The following FABP6 variants were observed in gnomAD, a reference collection of about 807,000 sequenced individuals.
The protein encoded by FABP6 is fatty acid binding protein 6.
A neutral mutation model predicts 14.9 loss-of-function variants in FABP6; 13 were observed. The ratio of observed to expected loss-of-function variants is 0.87; its 90% CI spans 0.57 to 1.39. The LOEUF (loss-of-function observed/expected upper bound fraction) is 1.39. Among genes scored for constraint, FABP6 ranks in the 40% most tolerant of loss-of-function variants. The probability of loss-of-function intolerance (pLI) is 0.00; values close to 1 mark genes in which losing one functional copy is unlikely to be tolerated. For missense variants in FABP6, 161 were observed against 167.2 expected (o/e 0.96, Z 0.20); for synonymous variants, 75 against 63.6 (o/e 1.18, Z -0.85).
chr5:160,208,230 G>A (rs1254765653), intron 2 of FABP6, among the ~76,000 whole-genome samples: 1 of 152,004 alleles, frequency 6.6e-6, no homozygotes, highest in African/African-American at 2.4e-5. Context: ...ACTGCTTGAA[G>A]CCAGGAGTTT....
chr5:160,223,360 T>TC (rs1463000618), intron 3 of FABP6, among the ~76,000 whole-genome samples: 10,654 of 93,684 alleles, frequency 0.11, 1,113 homozygotes, highest in East Asian at 0.36. Flanking sequence ...CTTCCTTCCT[T>TC]CTTTCCCTCC....
chr5:160,221,767 G>T (rs1298920371), intron 3 of FABP6, among the ~76,000 whole-genome samples: 1 of 151,980 alleles, frequency 6.6e-6, no homozygotes, highest in Non-Finnish European at 1.5e-5. Context: ...GTATATCTAT[G>T]TATATAGCTA....
chr5:160,197,682 G>T (rs1254086798), intron 1 of FABP6: 1 of 152,168 alleles, frequency 6.6e-6, no homozygotes, highest in East Asian at 1.9e-4. Context: ...CCTCAGTTAT[G>T]ACAACCAACA....
intron 1 of FABP6, among the ~76,000 whole-genome samples, chr5:160,189,486 A>G (rs1759354585): frequency 6.6e-6 from 1 of 152,008 alleles, no homozygotes; most frequent in Non-Finnish European, 1.5e-5. Context: ...CAGGTGATCC[A>G]CCCACCTCAG....
intron 3 of FABP6, among the ~76,000 whole-genome samples, chr5:160,217,517 A>G (rs1324201905): frequency 6.6e-6 from 1 of 152,184 alleles, no homozygotes; most frequent in Non-Finnish European, 1.5e-5. Flanking sequence ...CTGCCCCAAC[A>G]GTTACTTAAC....
intron 3 of FABP6, among the ~76,000 whole-genome samples, chr5:160,238,047 A>G (rs569820464): frequency 5.3e-5 from 8 of 152,150 alleles, no homozygotes; most frequent in East Asian, 1.9e-4. Context: ...TGCACATCCA[A>G]TGGCAGCACA....
intron 3 of FABP6, among the ~76,000 whole-genome samples, chr5:160,218,736 C>T (rs1275347184): frequency 6.6e-6 from 1 of 151,098 alleles, no homozygotes; most frequent in African/African-American, 2.4e-5. Context: ...GTTGGGATTA[C>T]GGGCATGAGC....
chr5:160,220,936 A>C (rs914931386), intron 3 of FABP6, among the ~76,000 whole-genome samples: 2 of 151,840 alleles, frequency 1.3e-5, no homozygotes, highest in Non-Finnish European at 2.9e-5. Flanking sequence ...AAAAATACAA[A>C]AATTAGCCGG....
intron 2 of FABP6, among the ~76,000 whole-genome samples, chr5:160,211,116 C>G (rs906690880): frequency 2.0e-5 from 3 of 152,138 alleles, no homozygotes; most frequent in Non-Finnish European, 4.4e-5. Flanking sequence ...ATGTTGGAGT[C>G]GGACCCTTTT....
intron 2 of FABP6, among the ~76,000 whole-genome samples, chr5:160,232,525 C>T (rs1488896435): frequency 2.6e-5 from 4 of 152,118 alleles, no homozygotes; most frequent in African/African-American, 9.7e-5. Context: ...ATAGTTTTTC[C>T]ATCTTAATGC....
At chr5:160,236,201 A>C (rs2113150641) in intron 3 of FABP6, among the ~76,000 whole-genome samples, 1 of 152,060 alleles carries the variant, frequency 6.6e-6, no homozygotes, top group African/African-American at 2.4e-5. Context: ...TTTTTAGTAG[A>C]GACAGGGTTT....
chr5:160,211,973 TA>T (rs1203777138), intron 2 of FABP6, among the ~76,000 whole-genome samples: 1 of 143,716 alleles, frequency 7.0e-6, no homozygotes, highest in African/African-American at 2.6e-5. Flanking sequence ...TGTGCCTTCC[TA>T]TGCAAGTTCT....
intron 3 of FABP6, among the ~76,000 whole-genome samples, chr5:160,218,917 C>G (rs1216974696): frequency 6.6e-6 from 1 of 152,154 alleles, no homozygotes; most frequent in African/African-American, 2.4e-5. Context: ...AGCCACCATG[C>G]CTAGCTAATT....
chr5:160,192,203 A>G (rs1362737276), intron 1 of FABP6, among the ~76,000 whole-genome samples: 1 of 151,318 alleles, frequency 6.6e-6, no homozygotes, highest in Non-Finnish European at 1.5e-5. Context: ...TCTAAATTAA[A>G]CATTTTAGAG....
In FABP6 at chr5:160,229,534, T is replaced by C; in HGVS notation, c.-24T>C. The C allele has an allele frequency of 6.2e-7, 1 of 1,613,898 alleles. No individual in the cohort carries two copies. The highest frequency in any genetic ancestry group is 1.1e-5 in the South Asian group (1 of 91,058). On this transcript the variant is annotated 5_prime_UTR_variant, in exon 1 of 4. Transcript: ENST00000402432. ...ACCCATTCTCCTCATCCCTCTGCTC[T>C]CTGGCCTCCAGCCTCCCAGCAGCAT...
rs114003483 is a variant in FABP6 at position 160,234,024 on chromosome 5, G to T, written c.244-796G>T. Among the ~76,000 whole-genome samples, 389 of 152,260 alleles carry T rather than the reference G, an allele frequency of 2.6e-3. 3 individuals are homozygous for T. The highest frequency in any genetic ancestry group is 8.9e-3 in the African/African-American group (368 of 41,552). ...TTAGGCCTCTGGTGACCCATGTGGA[G>T]TTCTAATAATAGAAAAGGAGTCAGG... On this transcript the variant is annotated intron_variant, in intron 2 of 3. Coordinates refer to ENST00000402432, the MANE Select transcript of FABP6 (RefSeq NM_001445.3).
At chr5:160,213,340 G>A (rs140306448) in intron 2 of FABP6, among the ~76,000 whole-genome samples, 3,539 of 152,304 alleles carry the variant, frequency 0.023, 68 homozygotes, top group Non-Finnish European at 0.035. Flanking sequence ...AATAAGCAGG[G>A]ACAAGAGAAT....
At chr5:160,193,051 C>T (rs6556475) in intron 1 of FABP6, among the ~76,000 whole-genome samples, 100,299 of 152,126 alleles carry the variant, frequency 0.66, 33,208 homozygotes, top group East Asian at 0.78. Flanking sequence ...ATTGTGTGTC[C>T]GGAATTGGTG....
chr5:160,222,784 C>T (rs565246158), intron 3 of FABP6, among the ~76,000 whole-genome samples: 29 of 152,286 alleles, frequency 1.9e-4, no homozygotes, highest in African/African-American at 6.7e-4. Context: ...ATGTTTGAAA[C>T]TCTGAGTCCC....
Sources: allele counts gnomAD v4.1 joint callset (sites outside exome capture counted in the v4.1 genomes callset), GRCh38; gene constraint gnomAD v4.1.1; transcripts MANE v1.5; gene names NCBI Gene and HGNC (gene_info 2026-07-23, HGNC 2026-07-21).